Variants in AGBL1 observed in about 807,000 individuals in gnomAD.
AGBL1 encodes cytosolic carboxypeptidase 4.
In AGBL1, 130 loss-of-function variants were observed where a neutral mutation model predicts 118.9. The observed-to-expected ratio is 1.09, with a 90% CI of 0.95 to 1.26. The LOEUF is 1.26. Among genes scored for constraint, AGBL1 ranks in the 50% most tolerant of loss-of-function variants. The pLI is 0.00. For missense variants in AGBL1, 1,584 were observed against 1,298.1 expected, an observed-to-expected ratio of 1.22 and a Z score of -3.38; for synonymous variants, 555 against 478.9, an observed-to-expected ratio of 1.16 and a Z score of -2.08.
intron 18 of AGBL1, among the ~76,000 whole-genome samples, chr15:86,446,365 C>T (rs1333724599): frequency 6.6e-6 from 1 of 152,216 alleles, no homozygotes; most frequent in Non-Finnish European, 1.5e-5. Context: ...AGGATCTCTT[C>T]TGAGCCAGAG....
At chr15:86,854,011 T>A (rs1040617167) in intron 22 of AGBL1, among the ~76,000 whole-genome samples, 4 of 152,194 alleles carry the variant, frequency 2.6e-5, no homozygotes, top group Non-Finnish European at 5.9e-5. Context: ...AATTTTTTTT[T>A]AAATATGCAG....
intron 22 of AGBL1, among the ~76,000 whole-genome samples, chr15:86,722,771 T>C (rs2086747415): frequency 6.6e-6 from 1 of 152,024 alleles, no homozygotes; most frequent in African/African-American, 2.4e-5. Context: ...GACAAAGGGC[T>C]AATATCCAGA....
intron 22 of AGBL1, among the ~76,000 whole-genome samples, chr15:86,836,800 A>G (rs1458155215): frequency 6.6e-6 from 1 of 152,118 alleles, no homozygotes; most frequent in Non-Finnish European, 1.5e-5. Flanking sequence ...GTTCAGCTGA[A>G]AGAATCCATC....
At chr15:86,143,873 A>T (rs780002948) in intron 3 of AGBL1, 28 bp downstream of exon 3, 1 of 1,608,870 alleles carries the variant, frequency 6.2e-7, no homozygotes, top group South Asian at 1.1e-5. Flanking sequence ...CCTAAAGCTG[A>T]CTGAAAAGGC....
intron 19 of AGBL1, among the ~76,000 whole-genome samples, chr15:86,536,325 T>C (rs1284040292): frequency 6.6e-6 from 1 of 152,158 alleles, no homozygotes; most frequent in South Asian, 2.1e-4. Context: ...TTTGTTTGTT[T>C]TTTTGAGATG....
In AGBL1 at chr15:86,297,079, T is replaced by G. The variant is rs868182255; in HGVS notation, c.2374+1671T>G. ...CTGGCACTCCAACAAATAGTTCTGTTAAAAAAAGAGAGAGAAAGAGAAAAA... is the reference window on the plus strand; with the variant it reads ...CTGGCACTCCAACAAATAGTTCTGTGAAAAAAAGAGAGAGAAAGAGAAAAA... On this transcript the variant is annotated intron_variant, in intron 17 of 22. Coordinates refer to ENST00000614907, the MANE Select transcript of AGBL1 (RefSeq NM_001386094.1). 2.0e-4 allele frequency: 30 copies of G among 151,990 alleles called. 1 individual carries two copies. Among genetic ancestry groups the G allele is most frequent in the African/African-American group, 7.2e-4 (30 of 41,388 alleles). 9.4% of individuals were successfully genotyped at this position (151,990 alleles called of 1,614,324 possible).
At chr15:86,636,425 A>G (rs2085085014) in intron 21 of AGBL1, among the ~76,000 whole-genome samples, 1 of 151,862 alleles carries the variant, frequency 6.6e-6, no homozygotes, top group Admixed American at 6.6e-5. Context: ...TTCCGATTTA[A>G]AACATACAGA....
intron 5 of AGBL1, among the ~76,000 whole-genome samples, chr15:86,213,725 A>T (rs1306630345): frequency 2.6e-5 from 4 of 152,214 alleles, no homozygotes; most frequent in Non-Finnish European, 5.9e-5. Flanking sequence ...ATCAAATACA[A>T]GAATAACTCT....
At chr15:86,467,131 T>C (rs1199599143) in intron 18 of AGBL1, among the ~76,000 whole-genome samples, 2 of 152,224 alleles carry the variant, frequency 1.3e-5, no homozygotes, top group Non-Finnish European at 2.9e-5. Flanking sequence ...CTTTAAGCCC[T>C]TGACTGGGGC....
intron 23 of AGBL1, among the ~76,000 whole-genome samples, chr15:86,934,205 C>T (rs1388543660): frequency 6.6e-6 from 1 of 152,136 alleles, no homozygotes; most frequent in African/African-American, 2.4e-5. Flanking sequence ...ATTCACCTCT[C>T]CAAGGAGACT....
At chr15:86,674,118 C>T (rs1400613801) in intron 21 of AGBL1, among the ~76,000 whole-genome samples, 155 bp from the exon 22 acceptor site, 1 of 152,142 alleles carries the variant, frequency 6.6e-6, no homozygotes, top group Admixed American at 6.5e-5. Flanking sequence ...CCACAATGCA[C>T]ACAACAGAAT....
At chr15:86,371,265 G>GGA (rs1194452253) in intron 17 of AGBL1, among the ~76,000 whole-genome samples, 1 of 152,160 alleles carries the variant, frequency 6.6e-6, no homozygotes, top group East Asian at 1.9e-4. Context: ...AGATTTGAAA[G>GGA]GAGTTCACAG....
intron 17 of AGBL1, among the ~76,000 whole-genome samples, chr15:86,365,474 A>C (rs1378818556): frequency 6.6e-6 from 1 of 152,250 alleles, no homozygotes; most frequent in East Asian, 1.9e-4. Flanking sequence ...GGAGGGGTGC[A>C]ACTGTCTCAA....
chr15:86,459,276 G>A (rs8026013), intron 18 of AGBL1, among the ~76,000 whole-genome samples: 11,581 of 152,070 alleles, frequency 0.076, 1,095 homozygotes, highest in African/African-American at 0.22. Flanking sequence ...AATAGGAATT[G>A]CACTTTTATA....
intron 22 of AGBL1, among the ~76,000 whole-genome samples, chr15:86,887,608 A>C (rs1177738133): frequency 1.3e-5 from 2 of 152,214 alleles, no homozygotes; most frequent in Non-Finnish European, 2.9e-5. Flanking sequence ...AAAGCTACAC[A>C]AGTCCTTAAA....
At chr15:86,727,201 T>C (rs957244716) in intron 22 of AGBL1, among the ~76,000 whole-genome samples, 2 of 152,056 alleles carry the variant, frequency 1.3e-5, no homozygotes, top group Non-Finnish European at 2.9e-5. Flanking sequence ...TTTAAATGTA[T>C]ATCAGGAAGG....
rs554769839 is a variant in AGBL1, at chr15:86,231,893, G to A, written c.526+6942G>A. ...AAGTATTAGAAGGATTATTGTGGGA[G>A]GGGGTATCTGTCATTGAGGTTAGAA... On this transcript the variant is annotated intron_variant, in intron 6 of 22. Transcript: ENST00000614907. 2.1e-4 allele frequency among the ~76,000 whole-genome samples: 32 copies of A among 152,318 alleles called. No individual in the cohort carries two copies. In the South Asian group the frequency reaches 6.2e-3, roughly 30 times the overall value.
intron 18 of AGBL1, among the ~76,000 whole-genome samples, chr15:86,450,025 A>C (rs2082173607): frequency 6.6e-6 from 1 of 152,154 alleles, no homozygotes; most frequent in Non-Finnish European, 1.5e-5. Context: ...ATAGTCCTGC[A>C]TGTCAGCTTA....
At chr15:86,588,912 C>G (rs2084293726) in intron 21 of AGBL1, among the ~76,000 whole-genome samples, 1 of 152,076 alleles carries the variant, frequency 6.6e-6, no homozygotes, top group Admixed American at 6.6e-5. Context: ...ATTGAGAAGA[C>G]TGAGAATATG....
Sources: gnomAD v4.1 joint callset for allele counts (sites outside exome capture counted in the v4.1 genomes callset) on GRCh38, gnomAD v4.1.1 for gene constraint, MANE v1.5 for transcripts, NCBI Gene and HGNC (gene_info 2026-07-23, HGNC 2026-07-21) for gene names.